Variants in SLC24A3 observed in about 807,000 individuals in gnomAD.
The protein encoded by SLC24A3 is sodium/potassium/calcium exchanger 3.
SLC24A3 carries 28 observed loss-of-function variants against 75.8 expected under a neutral mutation model. The ratio of observed to expected loss-of-function variants is 0.37; its 90% CI spans 0.27 to 0.51. The LOEUF (loss-of-function observed/expected upper bound fraction) is 0.51. SLC24A3 is among the 20% of genes least tolerant of loss of function. The pLI is 0.94. For synonymous variants in SLC24A3, 372 were observed against 334.1 expected, an observed-to-expected ratio of 1.11 and a Z score of -1.24; for missense variants, 663 against 847.8, an observed-to-expected ratio of 0.78 and a Z score of 2.71.
chr20:19,408,957 G>A (rs1986698830), intron 2 of SLC24A3, among the ~76,000 whole-genome samples: 1 of 152,204 alleles, frequency 6.6e-6, no homozygotes, highest in Non-Finnish European at 1.5e-5. Context: ...TGCTTTCACT[G>A]TTCTGGGCGC....
intron 6 of SLC24A3, among the ~76,000 whole-genome samples, chr20:19,586,598 A>G (rs2031300424): frequency 6.6e-6 from 1 of 152,116 alleles, no homozygotes; most frequent in Non-Finnish European, 1.5e-5. Flanking sequence ...CGTTCCACTG[A>G]TGTAGACTCG....
chr20:19,450,362 A>G (rs1164053043), intron 2 of SLC24A3, among the ~76,000 whole-genome samples: 2 of 152,062 alleles, frequency 1.3e-5, no homozygotes, highest in African/African-American at 4.8e-5. Context: ...TTCCAATGAG[A>G]TTCTCATTCT....
intron 12 of SLC24A3, among the ~76,000 whole-genome samples, chr20:19,690,876 T>TG (rs1002257159): frequency 2.0e-4 from 30 of 152,338 alleles, no homozygotes; most frequent in African/African-American, 7.0e-4. Flanking sequence ...TTACTATTTT[T>TG]TTTGTTTGTT....
At chr20:19,387,016 C>T (rs1019364105) in intron 2 of SLC24A3, among the ~76,000 whole-genome samples, 1 of 152,114 alleles carries the variant, frequency 6.6e-6, no homozygotes, top group African/African-American at 2.4e-5. Context: ...CTGATTCAAT[C>T]TCCTTACTCG....
At chr20:19,526,435 T>C (rs1195271680) in intron 3 of SLC24A3, among the ~76,000 whole-genome samples, 5 of 152,214 alleles carry the variant, frequency 3.3e-5, no homozygotes, top group African/African-American at 9.6e-5. Flanking sequence ...CCACTCACAA[T>C]AGGCACAAGG....
intron 1 of SLC24A3, among the ~76,000 whole-genome samples, chr20:19,234,719 A>G (rs1036920513): frequency 1.3e-5 from 2 of 152,194 alleles, no homozygotes; most frequent in African/African-American, 4.8e-5. Context: ...AAATGAGGCC[A>G]TGAGAAGAAG....
intron 1 of SLC24A3, among the ~76,000 whole-genome samples, chr20:19,216,432 G>C (rs1209009925): frequency 6.6e-6 from 1 of 151,982 alleles, no homozygotes; most frequent in East Asian, 1.9e-4. Context: ...AACATAGTAA[G>C]ACCCCATCTC....
At chr20:19,536,031 G>A (rs6112451) in intron 3 of SLC24A3, among the ~76,000 whole-genome samples, 4 of 151,850 alleles carry the variant, frequency 2.6e-5, no homozygotes, top group Non-Finnish European at 5.9e-5. Flanking sequence ...CCCTCTTAAA[G>A]GTCCCACCTC....
At chr20:19,530,216 A>C (rs1401349649) in intron 3 of SLC24A3, among the ~76,000 whole-genome samples, 1 of 152,228 alleles carries the variant, frequency 6.6e-6, no homozygotes, top group Non-Finnish European at 1.5e-5. Context: ...GGTCTCCTGC[A>C]CTGTAAGACA....
At chr20:19,309,972 G>A (rs1028876146) in intron 2 of SLC24A3, among the ~76,000 whole-genome samples, 1 of 152,052 alleles carries the variant, frequency 6.6e-6, no homozygotes, top group Non-Finnish European at 1.5e-5. Context: ...ATCAGTGTCC[G>A]ACCAGCCTGA....
At chr20:19,524,670 C>T (rs972432071) in intron 3 of SLC24A3, among the ~76,000 whole-genome samples, 8 of 152,118 alleles carry the variant, frequency 5.3e-5, no homozygotes, top group Non-Finnish European at 7.4e-5. Context: ...TCATGTATTT[C>T]CTTTTTATTT....
At chr20:19,348,766 GCA>G (rs1985494544) in intron 2 of SLC24A3, among the ~76,000 whole-genome samples, 1 of 152,144 alleles carries the variant, frequency 6.6e-6, no homozygotes, top group Non-Finnish European at 1.5e-5. Context: ...TGCATGGAGT[GCA>G]CACACAGACT....
chr20:19,268,250 A>C (rs1240464856), intron 1 of SLC24A3, among the ~76,000 whole-genome samples: 2 of 152,214 alleles, frequency 1.3e-5, no homozygotes, highest in Non-Finnish European at 2.9e-5. Flanking sequence ...ATATGCTGAC[A>C]AGTGCACTCG....
At chr20:19,541,809 G>T (rs578032784) in intron 3 of SLC24A3, among the ~76,000 whole-genome samples, 1 of 152,218 alleles carries the variant, frequency 6.6e-6, no homozygotes, top group African/African-American at 2.4e-5. Context: ...GGTGTGTGCG[G>T]CTATGGGTCC....
At chr20:19,432,334 A>G (rs1328293346) in intron 2 of SLC24A3, among the ~76,000 whole-genome samples, 1 of 149,622 alleles carries the variant, frequency 6.7e-6, no homozygotes, top group African/African-American at 2.4e-5. Flanking sequence ...CTAATAAACA[A>G]TTTTCAGAGT....
intron 2 of SLC24A3, among the ~76,000 whole-genome samples, chr20:19,394,564 T>C (rs548873311): frequency 1.3e-4 from 20 of 152,282 alleles, no homozygotes; most frequent in African/African-American, 4.8e-4. Context: ...TGAATAGACA[T>C]TCCTTCAAAA....
intron 2 of SLC24A3, among the ~76,000 whole-genome samples, chr20:19,362,911 C>A (rs954869848): frequency 1.7e-4 from 26 of 152,168 alleles, no homozygotes. Flanking sequence ...CATGATTGAA[C>A]AATGAAAATG....
Position 19,532,873 on chromosome 20 carries a change from C to T in SLC24A3, c.348+17309C>T, listed in dbSNP as rs375539405. On this transcript the variant is annotated intron_variant, in intron 3 of 16. Coordinates refer to ENST00000328041, the MANE Select transcript of SLC24A3 (RefSeq NM_020689.4). ...CTATTGAGAGAGCACATTGGCAGCC[C>T]CCTGATTGGGATGTCATTCAAGATA... Among the ~76,000 whole-genome samples the T allele has an allele frequency of 5.9e-5, 9 of 152,248 alleles. No individual in the cohort carries two copies. In the East Asian group the frequency reaches 1.5e-3, roughly 26 times the overall value.
chr20:19,577,351 G>A lies in SLC24A3; in HGVS notation c.349-2649G>A, dbSNP rs150452927. On this transcript the variant is annotated intron_variant, in intron 3 of 16. Transcript: ENST00000328041. ...ATTACAGGCATGAGCCACCGTGCCC[G>A]TTAATCGACATTTTTAATAAAAAGC... is the stretch of plus-strand genomic sequence containing the variant. Among the ~76,000 whole-genome samples, 362 of 152,238 alleles carry A rather than the reference G, an allele frequency of 2.4e-3. 1 individual carries two copies. The highest frequency in any genetic ancestry group is 8.5e-3 in the African/African-American group (352 of 41,542).
Sources: gnomAD v4.1 joint callset for allele counts (sites outside exome capture counted in the v4.1 genomes callset) on GRCh38, gnomAD v4.1.1 for gene constraint, MANE v1.5 for transcripts, NCBI Gene and HGNC (gene_info 2026-07-23, HGNC 2026-07-21) for gene names.